Variants in EYS observed in about 807,000 individuals in gnomAD.
EYS encodes the protein EGF-like photoreceptor maintenance factor.
EYS carries 250 observed loss-of-function variants against 282.1 expected under a neutral mutation model. That is an observed-to-expected ratio of 0.89 (90% CI 0.80 to 0.98). EYS has a LOEUF of 0.98. Ranked by LOEUF, EYS falls within the 50% of genes least tolerant of loss-of-function variation. The pLI is 0.00. For missense variants in EYS, 4,016 were observed against 3,709.0 expected, an observed-to-expected ratio of 1.08 and a Z score of -2.15; for synonymous variants, 1,355 against 1,282.9, an observed-to-expected ratio of 1.06 and a Z score of -1.20.
At chr6:65,435,003 A>G (rs991838385) in intron 5 of EYS, among the ~76,000 whole-genome samples, 1 of 151,886 alleles carries the variant, frequency 6.6e-6, no homozygotes, top group African/African-American at 2.4e-5. Context: ...TTGCATTATT[A>G]CTGGGTTAGT....
chr6:65,601,221 G>A (rs1327516567), intron 2 of EYS, among the ~76,000 whole-genome samples: 1 of 151,766 alleles, frequency 6.6e-6, no homozygotes, highest in Non-Finnish European at 1.5e-5. Context: ...ATACATTAAG[G>A]TTAATTTGAG....
intron 28 of EYS, among the ~76,000 whole-genome samples, chr6:64,421,050 C>T (rs1774215259): frequency 6.6e-6 from 1 of 152,128 alleles, no homozygotes; most frequent in Non-Finnish European, 1.5e-5. Flanking sequence ...TACCAATATA[C>T]TGTATTAGTC....
intron 28 of EYS, among the ~76,000 whole-genome samples, chr6:64,389,460 A>T (rs568641779): frequency 1.7e-4 from 26 of 152,336 alleles, no homozygotes; most frequent in African/African-American, 5.5e-4. Flanking sequence ...CTCTAGCCAT[A>T]TGTTTAACTA....
chr6:64,626,360 C>T (rs1302225269), intron 22 of EYS, 115 bp from the exon 23 acceptor site: 2 of 1,270,164 alleles, frequency 1.6e-6, no homozygotes, highest in Admixed American at 3.2e-5. Flanking sequence ...CAACATGTAG[C>T]TGGGAGCCTT....
chr6:64,480,505 T>C (rs1776407048), intron 26 of EYS, among the ~76,000 whole-genome samples: 1 of 151,856 alleles, frequency 6.6e-6, no homozygotes, highest in East Asian at 1.9e-4. Context: ...TGTGCGATGT[T>C]AGAGTTCAGC....
chr6:64,853,411 A>C (rs1208856275), intron 19 of EYS, among the ~76,000 whole-genome samples: 1 of 152,116 alleles, frequency 6.6e-6, no homozygotes, highest in Non-Finnish European at 1.5e-5. Flanking sequence ...TTTTCCATGC[A>C]GAATACCAGG....
At chr6:64,951,180 A>T (rs1172492057) in intron 14 of EYS, among the ~76,000 whole-genome samples, 1 of 151,832 alleles carries the variant, frequency 6.6e-6, no homozygotes, top group Non-Finnish European at 1.5e-5. Flanking sequence ...CACAGAAGTA[A>T]AGCATTAGCA....
intron 12 of EYS, among the ~76,000 whole-genome samples, chr6:65,062,745 A>AG (rs1403940231): frequency 6.6e-6 from 1 of 151,938 alleles, no homozygotes; most frequent in Non-Finnish European, 1.5e-5. Flanking sequence ...TCTTCTCTGG[A>AG]GGATAACTCA....
chr6:64,478,040 A>G (rs571084049), intron 26 of EYS, among the ~76,000 whole-genome samples: 10 of 152,070 alleles, frequency 6.6e-5, no homozygotes, highest in African/African-American at 2.4e-4. Flanking sequence ...ACTTGCTGTT[A>G]TGTGCTTGTG....
chr6:64,425,421 G>A (rs901558045), intron 28 of EYS, among the ~76,000 whole-genome samples: 10 of 152,130 alleles, frequency 6.6e-5, no homozygotes, highest in African/African-American at 2.2e-4. Flanking sequence ...TTGGGAGGCC[G>A]AGGCGGGAGG....
At chr6:64,647,597 A>G (rs1373996532) in intron 22 of EYS, among the ~76,000 whole-genome samples, 3 of 152,216 alleles carry the variant, frequency 2.0e-5, no homozygotes, top group Non-Finnish European at 4.4e-5. Context: ...TTGTGGCAAG[A>G]TTATGGCTAA....
At chr6:64,003,904 T>C (rs888597790) in intron 33 of EYS, among the ~76,000 whole-genome samples, 5 of 152,184 alleles carry the variant, frequency 3.3e-5, no homozygotes, top group South Asian at 2.1e-4. Context: ...AAGAAGGACA[T>C]GTTTGCTTCC....
intron 30 of EYS, among the ~76,000 whole-genome samples, chr6:64,237,135 G>T (rs1168879806): frequency 6.6e-6 from 1 of 151,964 alleles, no homozygotes; most frequent in African/African-American, 2.4e-5. Context: ...CTGTTTAACA[G>T]CCACTTACAT....
rs557336674 is a variant in EYS at position 64,323,037 on chromosome 6, C to A, written c.6079-15955G>T. ...TTCCCATGATTTCTTTATTGTTTAACAGCTTTATTGAGGTAAACTTCACAT... is the reference window on the plus strand; with the variant it reads ...TTCCCATGATTTCTTTATTGTTTAAAAGCTTTATTGAGGTAAACTTCACAT... On this transcript the variant is annotated intron_variant, in intron 29 of 42. Transcript: ENST00000503581. Among the ~76,000 whole-genome samples the A allele has an allele frequency of 1.9e-4, 29 of 152,194 alleles. No individual in the cohort carries two copies. In the East Asian group the frequency reaches 5.4e-3, roughly 28 times the overall value.
intron 35 of EYS, among the ~76,000 whole-genome samples, chr6:63,868,760 C>A (rs1180891884): frequency 6.6e-6 from 1 of 152,132 alleles, no homozygotes; most frequent in Non-Finnish European, 1.5e-5. Context: ...ATGATAAGAG[C>A]CTGCTAATTA....
chr6:65,365,344 G>A (rs1315233737), intron 8 of EYS, among the ~76,000 whole-genome samples: 2 of 151,446 alleles, frequency 1.3e-5, no homozygotes, highest in Non-Finnish European at 2.9e-5. Context: ...CCTGATCCCA[G>A]GTTTAGATTG....
chr6:65,218,395 T>C (rs1766372514), intron 12 of EYS, among the ~76,000 whole-genome samples: 1 of 152,104 alleles, frequency 6.6e-6, no homozygotes, highest in African/African-American at 2.4e-5. Context: ...CCTCCCTGGT[T>C]TTGTGATACC....
At chr6:65,535,753 C>T (rs767522605) in intron 2 of EYS, among the ~76,000 whole-genome samples, 10 of 152,064 alleles carry the variant, frequency 6.6e-5, no homozygotes, top group Non-Finnish European at 1.0e-4. Context: ...TTAAATGATG[C>T]CCACCCACAT....
intron 13 of EYS, among the ~76,000 whole-genome samples, chr6:65,036,252 G>T (rs1417332665): frequency 4.6e-5 from 7 of 151,708 alleles, no homozygotes. Flanking sequence ...TTCAATAAAC[G>T]GTGCTGAGAT....
Sources: gnomAD v4.1 joint callset for allele counts (sites outside exome capture counted in the v4.1 genomes callset) on GRCh38, gnomAD v4.1.1 for gene constraint, MANE v1.5 for transcripts, NCBI Gene and HGNC (gene_info 2026-07-23, HGNC 2026-07-21) for gene names.